IL17REL: variants seen among roughly 807,000 people sequenced by gnomAD.
IL17REL encodes the protein interleukin 17 receptor E like.
Under a neutral mutation model 49.0 loss-of-function variants are expected in IL17REL, and 36 were observed. The observed-to-expected ratio is 0.73, with a 90% CI of 0.56 to 0.97. IL17REL has a LOEUF of 0.97. Ranked by LOEUF, IL17REL falls within the 50% of genes least tolerant of loss-of-function variation. IL17REL has a pLI of 0.00. For synonymous variants in IL17REL, 206 were observed against 192.4 expected (o/e 1.07, Z -0.58); for missense variants, 470 against 453.9 (o/e 1.04, Z -0.32).
At chr22:50,005,762 GC>G (rs932670104) in intron 1 of IL17REL, among the ~76,000 whole-genome samples, 1 of 151,828 alleles carries the variant, frequency 6.6e-6, no homozygotes, top group Non-Finnish European at 1.5e-5. Context: ...CCGAGATTGC[GC>G]CACTGTACTC....
At chr22:49,997,391 A>G (rs2061042858) in exon 11 of IL17REL, 1 of 1,613,780 alleles carries the variant, frequency 6.2e-7, no homozygotes, top group Non-Finnish European at 8.5e-7. Flanking sequence ...CTCCTGTGAC[A>G]CAGGTGCACC....
chr22:50,006,030 G>A (rs1052518892), intron 1 of IL17REL, among the ~76,000 whole-genome samples: 9 of 152,096 alleles, frequency 5.9e-5, no homozygotes, highest in Admixed American at 3.3e-4. Flanking sequence ...AAAGCAGGGC[G>A]TAGGAGGTTG....
At chr22:50,003,612 T>A (rs2061091051) in intron 1 of IL17REL, among the ~76,000 whole-genome samples, 1 of 151,554 alleles carries the variant, frequency 6.6e-6, no homozygotes, top group African/African-American at 2.4e-5. Context: ...GACAAAATTT[T>A]AAAAACCACT....
chr22:50,006,666 G>C (rs2061111961), intron 1 of IL17REL, among the ~76,000 whole-genome samples: 1 of 152,166 alleles, frequency 6.6e-6, no homozygotes, highest in South Asian at 2.1e-4. Context: ...TTTAAGAGCA[G>C]ATTGGGGCCG....
intron 1 of IL17REL, among the ~76,000 whole-genome samples, chr22:50,003,805 TAAAAAAC>T (rs1410375849): frequency 1.3e-5 from 2 of 152,094 alleles, no homozygotes; most frequent in African/African-American, 2.4e-5. Flanking sequence ...ACCCCTCAGA[TAAAAAAC>T]AAGACAAGGA....
At chr22:49,994,463 G>T (rs971130374), downstream of IL17REL, 2 of 152,372 alleles carry the variant, frequency 1.3e-5, no homozygotes, top group Non-Finnish European at 2.9e-5. Flanking sequence ...CACGACACCC[G>T]CACTCCAGAC....
exon 13 of IL17REL, chr22:49,995,624 T>C (rs1207712371): frequency 6.6e-6 from 1 of 152,266 alleles, no homozygotes; most frequent in African/African-American, 2.4e-5. Flanking sequence ...GAGAGAGACG[T>C]AGGGGTGGTA....
Position 49,999,927 on chromosome 22 carries a change from CGCCTT to C in IL17REL, c.370_374del (p.Lys124AspfsTer64). On this transcript the variant is annotated frameshift_variant, in exon 5 of 13. Transcript: ENST00000341280. LOFTEE classifies it high-confidence loss of function. ...AGGCCCTGGGCACTTGCACCAGAATCGCCTTGCGCCTCCGGTCCACCCAGTAGCTG... is the reference window on the plus strand; with the variant it reads ...AGGCCCTGGGCACTTGCACCAGAATCGCGCCTCCGGTCCACCCAGTAGCTG... The C allele has an allele frequency of 6.5e-7, 1 of 1,535,376 alleles. No homozygotes were observed. Among genetic ancestry groups the C allele is most frequent in the Non-Finnish European group, 8.8e-7 (1 of 1,140,376 alleles).
chr22:50,010,822 G>T (rs924643623), upstream of IL17REL, among the ~76,000 whole-genome samples: 39 of 151,762 alleles, frequency 2.6e-4, no homozygotes, highest in African/African-American at 9.2e-4. Context: ...GCGGGGGCGG[G>T]GGGGGGCTGA....
In IL17REL at chr22:50,008,669, G is replaced by C. The variant is rs1453074854; in HGVS notation, c.-74C>G. 1 of 152,464 alleles carries C rather than the reference G, an allele frequency of 6.6e-6. No individual in the cohort carries two copies. Among genetic ancestry groups the C allele is most frequent in the Non-Finnish European group, 1.5e-5 (1 of 68,232 alleles). 9.4% of individuals were successfully genotyped at this position (152,464 alleles called of 1,614,324 possible). ...GTGGCTCCTGCAGGCAAAGCCCTGG[G>C]GACAGAACAGTGAGAGGGGTGAGCG... On this transcript the variant is annotated 5_prime_UTR_variant, in exon 1 of 13. Coordinates refer to ENST00000341280, the Ensembl canonical transcript of IL17REL.
chr22:49,998,833 A>C (rs1258100716), intron 7 of IL17REL, among the ~76,000 whole-genome samples: 1 of 146,318 alleles, frequency 6.8e-6, no homozygotes, highest in East Asian at 2.0e-4. Flanking sequence ...GTGCGTGTGC[A>C]TGTGTATGTG....
chr22:49,997,334 G>T (rs2061042137), exon 11 of IL17REL: 1 of 1,613,630 alleles, frequency 6.2e-7, no homozygotes, highest in Non-Finnish European at 8.5e-7. Context: ...GCTGAAGGGA[G>T]CGGGCTGGCC....
chr22:50,010,049 C>A (rs1177729099), upstream of IL17REL, among the ~76,000 whole-genome samples: 1 of 125,334 alleles, frequency 8.0e-6, no homozygotes, highest in Non-Finnish European at 1.7e-5. Flanking sequence ...CAGCGCAGGA[C>A]CCCACCCTGC....
At chr22:49,997,547 C>A in intron 10 of IL17REL, 64 bp from the exon 13 acceptor site, 1 of 1,337,926 alleles carries the variant, frequency 7.5e-7, no homozygotes, top group East Asian at 2.4e-5. Context: ...CTTCCTTCCC[C>A]AGTGGGCCTG....
At chr22:50,010,966 C>T (rs1421501789), upstream of IL17REL, among the ~76,000 whole-genome samples, 2 of 151,918 alleles carry the variant, frequency 1.3e-5, no homozygotes, top group Non-Finnish European at 1.5e-5. Context: ...CCAAGCTCCC[C>T]TGCATGCGGC....
chr22:50,000,507 A>C, exon 4 of IL17REL: 3 of 1,613,382 alleles, frequency 1.9e-6, no homozygotes, highest in Non-Finnish European at 2.5e-6. Context: ...GTCCAGCTGG[A>C]CCCCGCAGAA....
intron 2 of IL17REL, 24 bp from the exon 4 acceptor site, chr22:50,000,887 G>A: frequency 2.0e-6 from 3 of 1,495,882 alleles, no homozygotes; most frequent in Non-Finnish European, 1.8e-6. Flanking sequence ...GGACCCGGCA[G>A]GGTGCATCAG....
chr22:49,997,569 C>G (rs1601884846), intron 10 of IL17REL, 86 bp from the exon 13 acceptor site: 4 of 1,380,290 alleles, frequency 2.9e-6, no homozygotes, highest in Non-Finnish European at 4.1e-6. Flanking sequence ...CGCCTGCCCA[C>G]TGTACCTCCC....
chr22:50,003,824 C>T (rs2061092658), intron 1 of IL17REL, among the ~76,000 whole-genome samples: 2 of 152,118 alleles, frequency 1.3e-5, no homozygotes, highest in Non-Finnish European at 2.9e-5. Flanking sequence ...AGACAAGGAT[C>T]CCTGCTCTTC....
Sources: gnomAD v4.1 joint callset for allele counts (sites outside exome capture counted in the v4.1 genomes callset) on GRCh38, gnomAD v4.1.1 for gene constraint, MANE v1.5 for transcripts, NCBI Gene and HGNC (gene_info 2026-07-23, HGNC 2026-07-21) for gene names.